The following FGF13 variants were observed in gnomAD, a reference collection of about 807,000 sequenced individuals.
FGF13 encodes the protein fibroblast growth factor homologous factor 2.
A neutral mutation model predicts 19.5 loss-of-function variants in FGF13; 2 were observed. The ratio of observed to expected loss-of-function variants is 0.10; its 90% CI spans 0.04 to 0.32. FGF13 has a LOEUF of 0.32. Ranked by LOEUF, FGF13 falls within the 10% of genes least tolerant of loss-of-function variation. FGF13 has a pLI of 1.00. For missense variants in FGF13, 113 were observed against 192.7 expected (o/e 0.59, Z 2.45); for synonymous variants, 72 against 76.9 (o/e 0.94, Z 0.33).
At chrX:139,076,378 A>G (rs750332436) in intron 1 of FGF13, among the ~76,000 whole-genome samples, 1 of 111,954 alleles carries the variant, frequency 8.9e-6, no homozygotes, top group African/African-American at 3.2e-5. Flanking sequence ...TGCAATTTGC[A>G]CTTATTTGGA....
At chrX:138,917,744 C>T (rs1051801665) in intron 1 of FGF13, among the ~76,000 whole-genome samples, 1 of 111,544 alleles carries the variant, frequency 9.0e-6, no homozygotes, top group African/African-American at 3.3e-5. Flanking sequence ...TTTTAAGTTG[C>T]CTTTGCTATG....
intron 1 of FGF13, among the ~76,000 whole-genome samples, chrX:138,947,786 C>T (rs1004983585): frequency 8.9e-6 from 1 of 111,903 alleles, no homozygotes; most frequent in Admixed American, 9.5e-5. Context: ...ACCCCAGTAC[C>T]TCGGAGGGTG....
chrX:138,781,429 T>C (rs1416359681), intron 3 of FGF13, among the ~76,000 whole-genome samples: 2 of 108,150 alleles, frequency 1.8e-5, no homozygotes, highest in Non-Finnish European at 3.8e-5. Flanking sequence ...GCAAGACTAA[T>C]AAAGAAAAAA....
At chrX:138,663,697 A>T (rs1253311158) in intron 3 of FGF13, among the ~76,000 whole-genome samples, 1 of 111,940 alleles carries the variant, frequency 8.9e-6, no homozygotes, top group Non-Finnish European at 1.9e-5. Context: ...GTTGTGGATA[A>T]TCTTAGGAAC....
At chrX:138,654,683 A>G (rs780717007) in intron 3 of FGF13, among the ~76,000 whole-genome samples, 84 of 111,107 alleles carry the variant, frequency 7.6e-4, no homozygotes, top group African/African-American at 2.6e-3. Context: ...GGAGGTTGCA[A>G]TGAGCTGGGA....
At chrX:139,119,143 A>G (rs928635777) in intron 1 of FGF13, among the ~76,000 whole-genome samples, 3 of 112,096 alleles carry the variant, frequency 2.7e-5, no homozygotes, top group Admixed American at 9.4e-5. Context: ...GTAGTGAGCT[A>G]TGATTGTGCC....
At chrX:138,773,964 C>A (rs1176454412) in intron 3 of FGF13, among the ~76,000 whole-genome samples, 1 of 111,246 alleles carries the variant, frequency 9.0e-6, no homozygotes, top group African/African-American at 3.3e-5. Flanking sequence ...CTTGGCTTAT[C>A]TTCTCCATAA....
chrX:138,748,743 G>A (rs1026917397), intron 3 of FGF13, among the ~76,000 whole-genome samples: 6 of 111,286 alleles, frequency 5.4e-5, no homozygotes, highest in South Asian at 3.9e-4. Context: ...GTAACCAGGA[G>A]TGTTTTAAAA....
At chrX:139,099,139 C>T (rs181838670) in intron 1 of FGF13, among the ~76,000 whole-genome samples, 24 of 110,903 alleles carry the variant, frequency 2.2e-4, no homozygotes, top group African/African-American at 5.9e-4. Context: ...TATGGACACA[C>T]GCATCTTAGC....
At chrX:138,800,508 GT>G (rs1285649548) in intron 3 of FGF13, among the ~76,000 whole-genome samples, 2 of 111,446 alleles carry the variant, frequency 1.8e-5, no homozygotes, top group Non-Finnish European at 3.8e-5. Context: ...CCCTTAACAT[GT>G]TTTCCTTTGC....
At chrX:138,938,986 G>A (rs2091745535) in intron 1 of FGF13, among the ~76,000 whole-genome samples, 1 of 112,100 alleles carries the variant, frequency 8.9e-6, no homozygotes, top group Non-Finnish European at 1.9e-5. Flanking sequence ...TTTAGCCCAA[G>A]GAAAGAGTCC....
At chrX:138,751,462 A>G (rs187226551) in intron 3 of FGF13, among the ~76,000 whole-genome samples, 229 of 111,354 alleles carry the variant, frequency 2.1e-3, no homozygotes, top group African/African-American at 6.2e-3. Context: ...TAGATAGGGG[A>G]GTTACTACAT....
chrX:139,121,773 C>T (rs998618792), intron 1 of FGF13, among the ~76,000 whole-genome samples: 1 of 110,641 alleles, frequency 9.0e-6, no homozygotes, highest in African/African-American at 3.3e-5. Context: ...TAGTATACTA[C>T]TCAAAGGTCC....
chrX:139,076,827 C>T (rs1341837425), intron 1 of FGF13, among the ~76,000 whole-genome samples: 1 of 111,952 alleles, frequency 8.9e-6, no homozygotes, highest in Non-Finnish European at 1.9e-5. Flanking sequence ...TATTAGGGAA[C>T]CCAATATCTT....
At chrX:138,895,621 G>A (rs1162662749) in intron 1 of FGF13, among the ~76,000 whole-genome samples, 1 of 111,652 alleles carries the variant, frequency 9.0e-6, no homozygotes, top group Non-Finnish European at 1.9e-5. Flanking sequence ...ACTAAAAATA[G>A]TACTACCATA....
At chrX:138,933,195 G>A (rs765959401) in intron 1 of FGF13, among the ~76,000 whole-genome samples, 3 of 111,879 alleles carry the variant, frequency 2.7e-5, no homozygotes, top group Non-Finnish European at 5.6e-5. Flanking sequence ...AGGTTACTGA[G>A]GGCATTGACC....
chrX:139,098,243 A>T (rs1336042648), intron 1 of FGF13, among the ~76,000 whole-genome samples: 1 of 111,561 alleles, frequency 9.0e-6, no homozygotes, highest in African/African-American at 3.3e-5. Context: ...AGCGAGAGGG[A>T]TCTGAATAGG....
intron 1 of FGF13, among the ~76,000 whole-genome samples, chrX:138,731,630 C>T (rs765441762): frequency 6.5e-4 from 71 of 108,770 alleles, no homozygotes; most frequent in African/African-American, 2.3e-3. Flanking sequence ...CCTTAAGAAA[C>T]GAAAAAAACT....
Position 138,711,245 on chromosome X carries a change from G to A in FGF13, c.-242C>T. The A allele has an allele frequency of 1.0e-6, 1 of 983,178 alleles. No homozygotes were observed. The highest frequency in any genetic ancestry group is 2.9e-5 in the South Asian group (1 of 34,418). 81.0% of individuals were successfully genotyped at this position (983,178 alleles called of 1,213,427 possible). A position where few individuals can be genotyped will look rare whatever the true frequency, so the allele number is the denominator to read the frequency against. On this transcript the variant is annotated 5_prime_UTR_variant, in exon 1 of 5. Transcript: ENST00000315930. ...GCTGCTGGCTGCCTGGGTCGGAGTC[G>A]ACGCCACAGCCCCGGGCCCGGGATC... is the stretch of plus-strand genomic sequence containing the variant.
Sources: allele counts gnomAD v4.1 joint callset (sites outside exome capture counted in the v4.1 genomes callset), GRCh38; gene constraint gnomAD v4.1.1; transcripts MANE v1.5; gene names NCBI Gene and HGNC (gene_info 2026-07-23, HGNC 2026-07-21).